The following RINL variants were observed in gnomAD, a reference collection of about 807,000 sequenced individuals.
RINL encodes Ras and Rab interactor like, also known as ras and Rab interactor-like protein.
Under a neutral mutation model 58.1 loss-of-function variants are expected in RINL, and 39 were observed. The observed-to-expected ratio is 0.67, with a 90% CI of 0.52 to 0.88. The LOEUF is 0.88. Ranked by LOEUF, RINL falls within the 40% of genes least tolerant of loss-of-function variation. The pLI is 0.00. For synonymous variants in RINL, 286 were observed against 323.1 expected, an observed-to-expected ratio of 0.89 and a Z score of 1.23; for missense variants, 711 against 749.2, an observed-to-expected ratio of 0.95 and a Z score of 0.60.
chr19:38,877,830 G>A (rs1287399821), intron 1 of RINL, among the ~76,000 whole-genome samples: 2 of 150,360 alleles, frequency 1.3e-5, no homozygotes, highest in Non-Finnish European at 3.0e-5. Context: ...CATCCATCCA[G>A]TATTTACTGA....
At chr19:38,874,039 G>T in intron 3 of RINL, 51 bp from the exon 4 acceptor site, 1 of 1,164,652 alleles carries the variant, frequency 8.6e-7, no homozygotes, top group Non-Finnish European at 1.2e-6. Context: ...GCAGATGTCT[G>T]TTGCTTTTGC....
In RINL at chr19:38,870,273, G is replaced by T; in HGVS notation, c.1025-13C>A. ...TCCAGCGCGGGGCCTGCGGGGTGTG[G>T]GGGACGGGTGAGCACAGGACCGCCA... On this transcript the variant is annotated splice_polypyrimidine_tract_variant and intron_variant, in intron 8 of 11. Coordinates refer to ENST00000591812, the MANE Select transcript of RINL (RefSeq NM_001195833.2). The surrounding 1 kb of genome is among the most constrained non-coding windows in gnomAD (Gnocchi z 5.8). The T allele has an allele frequency of 7.2e-7, 1 of 1,382,696 alleles. No individual in the cohort carries two copies. The highest frequency in any genetic ancestry group is 9.3e-7 in the Non-Finnish European group (1 of 1,075,200). 85.7% of individuals were successfully genotyped at this position (1,382,696 alleles called of 1,614,324 possible). A position where few individuals can be genotyped will look rare whatever the true frequency, so the allele number is the denominator to read the frequency against.
chr19:38,868,776 C>T lies in RINL; in HGVS notation c.*328G>A, dbSNP rs1972727218. On this transcript the variant is annotated 3_prime_UTR_variant, in exon 12 of 12. Transcript: ENST00000591812. ...GGAACAGCCTACCTCTGGGCCTTTG[C>T]ACTGGCTCATCCTGCTTCTCGGAAT... 1 of 240,466 alleles carries T rather than the reference C, an allele frequency of 4.2e-6. No individual in the cohort carries two copies. Among genetic ancestry groups the T allele is most frequent in the East Asian group, 8.6e-5 (1 of 11,610 alleles). The allele number at this position is 240,466 out of a possible 1,614,324, so 14.9% of individuals were successfully genotyped here.
chr19:38,873,376 G>A (rs532143488), intron 4 of RINL, among the ~76,000 whole-genome samples: 4 of 152,292 alleles, frequency 2.6e-5, no homozygotes, highest in South Asian at 2.1e-4. Context: ...ATCTAAGGAC[G>A]TTGCATGCTC....
At position 38,870,822 on chromosome 19, in the gene RINL, C is replaced by T; in HGVS notation, c.772G>A (p.Val258Met). 6.2e-7 allele frequency: 1 copy of T among 1,610,520 alleles called. No homozygotes were observed. The highest frequency in any genetic ancestry group is 8.5e-7 in the Non-Finnish European group (1 of 1,180,000). ...AGAGACTGGACGTGAATGGTGAGCA[C>T]GTCCTCAGGGCCTTCCTCTTCAGGG... ...DDPEEEGPED[V>M]LTIHVQSLVR... Residue 258 changes from valine (V) to methionine (M), a missense_variant, in exon 8 of 12, where the codon GTG becomes ATG. By Grantham distance (21) the Val-to-Met change is conservative. Transcript: ENST00000591812. The surrounding 1 kb of genome is among the most constrained non-coding windows in gnomAD (Gnocchi z 5.8).
At chr19:38,874,873 G>A (rs1363113214) in intron 3 of RINL, among the ~76,000 whole-genome samples, 1 of 152,108 alleles carries the variant, frequency 6.6e-6, no homozygotes, top group Non-Finnish European at 1.5e-5. Context: ...GGTGGCTCAC[G>A]CCTGTAATCC....
intron 1 of RINL, among the ~76,000 whole-genome samples, chr19:38,877,289 G>A (rs1004998823): frequency 6.6e-6 from 1 of 152,192 alleles, no homozygotes; most frequent in African/African-American, 2.4e-5. Flanking sequence ...GTGTCTTGCG[G>A]TGTGGGGAGA....
In RINL at chr19:38,869,759, A is replaced by T; in HGVS notation, c.1343-55T>A. On this transcript the variant is annotated intron_variant, in intron 9 of 11. Transcript: ENST00000591812. The surrounding 1 kb of genome is among the most constrained non-coding windows in gnomAD (Gnocchi z 5.7). ...TGGATCCCCATCTCAAGGCGCGTAGACACCTTCCATCCGATCCCCAGGACC... is the reference window on the plus strand; with the variant it reads ...TGGATCCCCATCTCAAGGCGCGTAGTCACCTTCCATCCGATCCCCAGGACC... The T allele has an allele frequency of 1.2e-6, 2 of 1,608,890 alleles. No individual in the cohort carries two copies. The highest frequency in any genetic ancestry group is 2.7e-5 in the African/African-American group (2 of 74,798).
rs760933422 is a variant in RINL at position 38,869,058 on chromosome 19, C to T, written c.*46G>A. 2.6e-6 allele frequency: 4 copies of T among 1,523,402 alleles called. No individual in the cohort carries two copies. In the South Asian group the frequency reaches 5.0e-5, roughly 19 times the overall value. 94.4% of individuals were successfully genotyped at this position (1,523,402 alleles called of 1,614,324 possible). A position where few individuals can be genotyped will look rare whatever the true frequency, so the allele number is the denominator to read the frequency against. ...TCAAGCAATCCTCCCACCTTGGCCT[C>T]CCAAAATGTTGGGATTACAGGCATG... On this transcript the variant is annotated 3_prime_UTR_variant, in exon 12 of 12. Transcript: ENST00000591812. This position sits in a 1 kb window ranked among gnomAD's most constrained non-coding sequence, Gnocchi z 5.7.
chr19:38,870,037 G>C lies in RINL; in HGVS notation c.1248C>G (p.His416Gln), dbSNP rs1487308697. 1 of 1,558,712 alleles carries C rather than the reference G, an allele frequency of 6.4e-7. No homozygotes were observed. The highest frequency in any genetic ancestry group is 1.9e-5 in the Admixed American group (1 of 52,294). The stretch of plus-strand genomic sequence containing the variant: ...GGCGCGGGGCGCAGGCAGCGTGGAG[G>C]TGCGCAAGGCGCTCGTGGATGCGGC... ...LRSRIHERLA[H>Q]LHAACAPRRK... The change falls in exon 9 of 12, where the codon CAC (histidine) becomes CAG (glutamine). Residue 416 changes from histidine (H) to glutamine (Q), a missense_variant. Transcript: ENST00000591812. This position sits in a 1 kb window ranked among gnomAD's most constrained non-coding sequence, Gnocchi z 5.8.
At chr19:38,873,741 G>T in intron 4 of RINL, 145 bp downstream of exon 4, 3 of 555,330 alleles carry the variant, frequency 5.4e-6, no homozygotes, top group Non-Finnish European at 6.5e-6. Context: ...GGCCAGGCTG[G>T]TCTCAAAATC....
Position 38,876,327 on chromosome 19 carries a change from T to G in RINL, c.210+4A>C. On this transcript the variant is annotated splice_donor_region_variant and intron_variant, in intron 3 of 11. Transcript: ENST00000591812. ...AGGATGGGCCCCCAGCTGTGAGTAC[T>G]CACCCCTAGTGGCCACAGCCCCACA... 1.3e-6 allele frequency: 2 copies of G among 1,535,644 alleles called. No homozygotes were observed. Among genetic ancestry groups the G allele is most frequent in the Admixed American group, 3.9e-5 (2 of 50,954 alleles).
rs1972759648 is a variant in RINL at position 38,869,869 on chromosome 19, A to C, written c.1342+74T>G. The C allele has an allele frequency of 6.5e-7, 1 of 1,526,930 alleles. No homozygotes were observed. The highest frequency in any genetic ancestry group is 8.8e-7 in the Non-Finnish European group (1 of 1,135,584). 94.6% of individuals were successfully genotyped at this position (1,526,930 alleles called of 1,614,324 possible). A position where few individuals can be genotyped will look rare whatever the true frequency, so the allele number is the denominator to read the frequency against. ...CAGGACCGCATAGATTCCTCCCACC[A>C]GTGCTACCCTCTCCCGCCTGGCTCC... On this transcript the variant is annotated intron_variant, in intron 9 of 11. Coordinates refer to ENST00000591812, the MANE Select transcript of RINL (RefSeq NM_001195833.2). This position sits in a 1 kb window ranked among gnomAD's most constrained non-coding sequence, Gnocchi z 5.7.
chr19:38,876,261 G>A, intron 3 of RINL, 70 bp downstream of exon 3: 1 of 1,441,854 alleles, frequency 6.9e-7, no homozygotes, highest in Non-Finnish European at 9.2e-7. Context: ...TTTGTGTCAT[G>A]TTTGTCACTA....
intron 4 of RINL, among the ~76,000 whole-genome samples, chr19:38,873,128 G>A (rs559815457): frequency 2.0e-5 from 3 of 152,072 alleles, no homozygotes; most frequent in Admixed American, 6.6e-5. Context: ...GTCAAGAAAG[G>A]TTACATTTCT....
chr19:38,875,214 C>CTTTTT (rs968872594), intron 3 of RINL, among the ~76,000 whole-genome samples: 1 of 129,308 alleles, frequency 7.7e-6, no homozygotes, highest in African/African-American at 2.8e-5. Flanking sequence ...TTTCTTTTTT[C>CTTTTT]TTTTTTTTTT....
intron 3 of RINL, among the ~76,000 whole-genome samples, chr19:38,874,210 C>T (rs768555888): frequency 4.8e-4 from 73 of 152,114 alleles, no homozygotes; most frequent in Middle Eastern, 3.2e-3. Context: ...AGGGTGCTCT[C>T]GGCCCACTGT....
chr19:38,875,060 G>A (rs919121928), intron 3 of RINL, among the ~76,000 whole-genome samples: 5 of 150,134 alleles, frequency 3.3e-5, no homozygotes, highest in Admixed American at 1.3e-4. Flanking sequence ...GCTTGAACCC[G>A]GGAGGCAGAG....
chr19:38,870,307 C>T lies in RINL; in HGVS notation c.1025-47G>A. 1 of 1,328,432 alleles carries T rather than the reference C, an allele frequency of 7.5e-7. No homozygotes were observed. Among genetic ancestry groups the T allele is most frequent in the Non-Finnish European group, 9.8e-7 (1 of 1,021,414 alleles). 82.3% of individuals were successfully genotyped at this position (1,328,432 alleles called of 1,614,324 possible). Reference sequence around the variant, plus strand: ...TGAGCACAGGACCGCCAAGTTGTCCCACGCCCACCCACGCGCTCCAACAAC... The same window carrying T: ...TGAGCACAGGACCGCCAAGTTGTCCTACGCCCACCCACGCGCTCCAACAAC... On this transcript the variant is annotated intron_variant, in intron 8 of 11. Coordinates refer to ENST00000591812, the MANE Select transcript of RINL (RefSeq NM_001195833.2). The surrounding 1 kb of genome is among the most constrained non-coding windows in gnomAD (Gnocchi z 5.8).
Sources: allele counts gnomAD v4.1 joint callset (sites outside exome capture counted in the v4.1 genomes callset), GRCh38; gene constraint gnomAD v4.1.1; non-coding constraint Gnocchi (gnomAD v3.1); transcripts MANE v1.5; gene names NCBI Gene and HGNC (gene_info 2026-07-23, HGNC 2026-07-21).